NCBP3: variants seen among roughly 807,000 people sequenced by gnomAD.
NCBP3 encodes the protein nuclear cap binding subunit 3.
A neutral mutation model predicts 75.7 loss-of-function variants in NCBP3; 20 were observed. The ratio of observed to expected loss-of-function variants is 0.26; its 90% CI spans 0.19 to 0.38. The LOEUF (loss-of-function observed/expected upper bound fraction) is 0.38. Among genes scored for constraint, NCBP3 ranks in the 10% least tolerant of loss-of-function variants. The probability of loss-of-function intolerance (pLI) is 1.00; values close to 1 mark genes in which losing one functional copy is unlikely to be tolerated. For missense variants in NCBP3, 678 were observed against 796.9 expected, an observed-to-expected ratio of 0.85 and a Z score of 1.80; for synonymous variants, 293 against 290.5, an observed-to-expected ratio of 1.01 and a Z score of -0.09.
At chr17:3,834,620 A>C (rs752941783) in intron 3 of NCBP3, among the ~76,000 whole-genome samples, 33 of 152,308 alleles carry the variant, frequency 2.2e-4, no homozygotes, top group African/African-American at 5.5e-4. Flanking sequence ...TACTAAAAAT[A>C]CAAAATTAGC....
chr17:3,828,665 C>G (rs928190748), intron 4 of NCBP3, among the ~76,000 whole-genome samples: 2 of 152,052 alleles, frequency 1.3e-5, no homozygotes, highest in Non-Finnish European at 2.9e-5. Context: ...AGTTGGCCCA[C>G]AAGTTGGAAA....
At chr17:3,832,630 C>CA (rs137993061) in intron 3 of NCBP3, among the ~76,000 whole-genome samples, 5,610 of 141,948 alleles carry the variant, frequency 0.04, 170 homozygotes, top group Non-Finnish European at 0.061. Context: ...GAGGCCATCT[C>CA]AAAAAAAAAT....
Position 3,821,983 on chromosome 17 carries a change from C to G in NCBP3, c.866G>C (p.Gly289Ala). Residue 289 changes from glycine to alanine, a missense_variant, in exon 8 of 13, where the codon GGA (glycine) becomes GCA (alanine). Coordinates refer to ENST00000389005, the MANE Select transcript of NCBP3 (RefSeq NM_001114118.3). ...YYMKYGNPNY[G>A]GMKGILSNSW... ...ATTGCTAAGAATTCCTTTCATGCCTCCATAATTTGGATTCCCATATTTCAT... is the reference window on the plus strand; with the variant it reads ...ATTGCTAAGAATTCCTTTCATGCCTGCATAATTTGGATTCCCATATTTCAT... 3 of 1,612,712 alleles carry G rather than the reference C, an allele frequency of 1.9e-6. No individual in the cohort carries two copies. Among genetic ancestry groups the G allele is most frequent in the Non-Finnish European group, 2.5e-6 (3 of 1,179,124 alleles).
chr17:3,845,665 A>G (rs1437156531), intron 1 of NCBP3, among the ~76,000 whole-genome samples: 1 of 152,098 alleles, frequency 6.6e-6, no homozygotes, highest in Non-Finnish European at 1.5e-5. Context: ...GCCACCCAAC[A>G]GCTCCTTCTG....
rs1270796587 is a variant in NCBP3 at position 3,809,508 on chromosome 17, C to T, written c.*3536G>A. 6.6e-6 allele frequency: 1 copy of T among 152,182 alleles called. No individual in the cohort carries two copies. Among genetic ancestry groups the T allele is most frequent in the East Asian group, 1.9e-4 (1 of 5,190 alleles). The allele number at this position is 152,182 out of a possible 1,614,324, so 9.4% of individuals were successfully genotyped here. On this transcript the variant is annotated 3_prime_UTR_variant, in exon 13 of 13. Transcript: ENST00000389005. ...ATCACCTGAGGTCAGGAGTTCGAGACCAGCCTGACCAACATGGTGAAACCC... is the reference window on the plus strand; with the variant it reads ...ATCACCTGAGGTCAGGAGTTCGAGATCAGCCTGACCAACATGGTGAAACCC...
chr17:3,821,876 G>T, intron 8 of NCBP3, 77 bp downstream of exon 8: 3 of 916,474 alleles, frequency 3.3e-6, no homozygotes, highest in Admixed American at 2.0e-5. Flanking sequence ...ACAGGGTTTA[G>T]ACATTTCACC....
At chr17:3,825,942 T>C in intron 5 of NCBP3, 99 bp from the exon 6 acceptor site, 1 of 1,401,422 alleles carries the variant, frequency 7.1e-7, no homozygotes, top group Non-Finnish European at 9.8e-7. Context: ...AGTCCAGTAT[T>C]TTCTCCTATT....
rs953208335 is a variant in NCBP3, at chr17:3,819,509, G to A, written c.1001-937C>T. Among the ~76,000 whole-genome samples the A allele has an allele frequency of 9.3e-5, 14 of 151,314 alleles. 1 individual carries two copies. The highest frequency in any genetic ancestry group is 6.6e-4 in the Admixed American group (10 of 15,176). ...CGGGAGGCGGAGGTTGCAGTGAGCC[G>A]AGATCGCGCCACTGCACTCCAGCCT... On this transcript the variant is annotated intron_variant, in intron 9 of 12. Transcript: ENST00000389005.
rs977884880 is a variant in NCBP3, at chr17:3,803,800, G to T, written c.*9244C>A. The T allele has an allele frequency of 6.6e-6, 1 of 152,246 alleles. No homozygotes were observed. The highest frequency in any genetic ancestry group is 1.5e-5 in the Non-Finnish European group (1 of 68,052). The allele number at this position is 152,246 out of a possible 1,614,324, so 9.4% of individuals were successfully genotyped here. ...TTTAAAAAATGGGCAGGTGGGCCAGGCGCGGTGGCTCACGCCTGTAATCCC... is the reference window on the plus strand; with the variant it reads ...TTTAAAAAATGGGCAGGTGGGCCAGTCGCGGTGGCTCACGCCTGTAATCCC... On this transcript the variant is annotated 3_prime_UTR_variant, in exon 13 of 13. Transcript: ENST00000389005.
chr17:3,814,548 GACACCTCTA>G lies in NCBP3; in HGVS notation c.1466-74_1466-66del. The stretch of plus-strand genomic sequence containing the variant: ...GCTTTATGCTCGGCACCAGCCGCCT[GACACCTCTA>G]ACGGATCTGGCGCTAACCCCTGCCC... On this transcript the variant is annotated intron_variant, in intron 11 of 12. Transcript: ENST00000389005. 9 of 1,561,264 alleles carry G rather than the reference GACACCTCTA, an allele frequency of 5.8e-6. No homozygotes were observed. In the South Asian group the frequency reaches 9.3e-5, roughly 16 times the overall value.
Position 3,821,288 on chromosome 17 carries a change from C to T in NCBP3, c.961G>A (p.Asp321Asn), listed in dbSNP as rs2053659146. 2 of 1,614,088 alleles carry T rather than the reference C, an allele frequency of 1.2e-6. No homozygotes were observed. ...TTATACGACGTCAAGCCAACGTCATCCCCAATCAGGGCTCTCTTCTTGATC... is the reference window on the plus strand; with the variant it reads ...TTATACGACGTCAAGCCAACGTCATTCCCAATCAGGGCTCTCTTCTTGATC... ...DVIKKRALIGDDVGLTSYKHR... is the reference protein window; with the variant it reads ...DVIKKRALIGNDVGLTSYKHR... Residue 321 changes from aspartate to asparagine, a missense_variant, in exon 9 of 13, where the codon GAT becomes AAT. Physicochemically the swap from Asp to Asn is conservative, Grantham distance 23. Around this residue, in one of 7 missense-constraint regions of NCBP3, gnomAD observed 365 missense variants for 392.7 expected, o/e 0.93. Coordinates refer to ENST00000389005, the MANE Select transcript of NCBP3 (RefSeq NM_001114118.3).
At chr17:3,837,996 T>TAAAA (rs1354600488) in intron 3 of NCBP3, among the ~76,000 whole-genome samples, 2 of 150,688 alleles carry the variant, frequency 1.3e-5, no homozygotes, top group Non-Finnish European at 3.0e-5. Flanking sequence ...AAAAAAATTT[T>TAAAA]TTTAAATTAA....
rs189499053 is a variant in NCBP3 at position 3,832,362 on chromosome 17, G to T, written c.356-2994C>A. The stretch of plus-strand genomic sequence containing the variant: ...AAAAAAGAATTTAATGGGCAGGCGC[G>T]GTGGCTCACGCCTGTAATCCCAGCA... On this transcript the variant is annotated intron_variant, in intron 3 of 12. Transcript: ENST00000389005. Among the ~76,000 whole-genome samples, 12 of 118,526 alleles carry T rather than the reference G, an allele frequency of 1.0e-4. 2 individuals are homozygous for T. Among genetic ancestry groups the T allele is most frequent in the Non-Finnish European group, 2.0e-4 (10 of 49,152 alleles). 77.8% of individuals were successfully genotyped at this position (118,526 alleles called of 152,430 possible). A position where few individuals can be genotyped will look rare whatever the true frequency, so the allele number is the denominator to read the frequency against.
At chr17:3,827,875 T>C (rs1332168980) in intron 4 of NCBP3, among the ~76,000 whole-genome samples, 1 of 152,232 alleles carries the variant, frequency 6.6e-6, no homozygotes, top group African/African-American at 2.4e-5. Flanking sequence ...TAGGTTTAAT[T>C]AATGTACAAT....
In NCBP3 at chr17:3,806,794, A is replaced by G. The variant is rs886339208; in HGVS notation, c.*6250T>C. 1 of 151,326 alleles carries G rather than the reference A, an allele frequency of 6.6e-6. No individual in the cohort carries two copies. Among genetic ancestry groups the G allele is most frequent in the African/African-American group, 2.4e-5 (1 of 41,282 alleles). 9.4% of individuals were successfully genotyped at this position (151,326 alleles called of 1,614,324 possible). ...TATAAACATGTAAGAAAAGTTGTAGATATTTATTGTGGGTCTGGTTATGCA... is the reference window on the plus strand; with the variant it reads ...TATAAACATGTAAGAAAAGTTGTAGGTATTTATTGTGGGTCTGGTTATGCA... On this transcript the variant is annotated 3_prime_UTR_variant, in exon 13 of 13. Transcript: ENST00000389005.
chr17:3,824,834 G>A, intron 7 of NCBP3, 108 bp downstream of exon 7: 1 of 571,486 alleles, frequency 1.7e-6, no homozygotes, highest in Non-Finnish European at 2.9e-6. Flanking sequence ...TAGTTTGAAG[G>A]GAACTTTGAG....
intron 9 of NCBP3, among the ~76,000 whole-genome samples, chr17:3,820,994 A>G (rs2053652051): frequency 6.6e-6 from 1 of 152,086 alleles, no homozygotes. Context: ...TTAGGATCCT[A>G]AGGAAAGTTT....
At chr17:3,819,200 G>A (rs28623368) in intron 9 of NCBP3, among the ~76,000 whole-genome samples, 1 of 152,150 alleles carries the variant, frequency 6.6e-6, no homozygotes, top group African/African-American at 2.4e-5. Context: ...ATGAGTTATA[G>A]GGCTACTGGC....
intron 3 of NCBP3, among the ~76,000 whole-genome samples, chr17:3,839,361 T>G (rs1442845713): frequency 6.6e-6 from 1 of 152,164 alleles, no homozygotes; most frequent in Non-Finnish European, 1.5e-5. Flanking sequence ...AGAATTTTTT[T>G]TTTTAAGACA....
Sources: gnomAD v4.1 joint callset for allele counts (sites outside exome capture counted in the v4.1 genomes callset) on GRCh38, gnomAD v4.1.1 for gene constraint, gnomAD v4.1.1 regional missense constraint, MANE v1.5 for transcripts, NCBI Gene and HGNC (gene_info 2026-07-23, HGNC 2026-07-21) for gene names.